NLGN1: variants seen among roughly 807,000 people sequenced by gnomAD.
NLGN1 encodes neuroligin-1.
A neutral mutation model predicts 65.5 loss-of-function variants in NLGN1; 12 were observed. That is an observed-to-expected ratio of 0.18 (90% confidence interval 0.12 to 0.30). The LOEUF is 0.30. NLGN1 is among the 10% of genes least tolerant of loss of function. NLGN1 has a pLI of 1.00. For missense variants in NLGN1, 750 were observed against 1,007.1 expected, an observed-to-expected ratio of 0.74 and a Z score of 3.46; for synonymous variants, 350 against 359.5, an observed-to-expected ratio of 0.97 and a Z score of 0.30.
chr3:173,972,881 C>A lies in NLGN1; in HGVS notation c.646+165049C>A, dbSNP rs577754189. Among the ~76,000 whole-genome samples, 5 of 152,208 alleles carry A rather than the reference C, an allele frequency of 3.3e-5. No individual in the cohort carries two copies. In the East Asian group the frequency reaches 9.7e-4, roughly 30 times the overall value. On this transcript the variant is annotated intron_variant, in intron 4 of 6. Coordinates refer to ENST00000457714, the Ensembl canonical transcript of NLGN1. The stretch of plus-strand genomic sequence containing the variant: ...AACCAGACTTCCTGAATCAGAAACT[C>A]TAGGGGTGGAGCCCAACAATCTGTA...
chr3:174,128,959 C>T (rs183608432), intron 4 of NLGN1, among the ~76,000 whole-genome samples: 1 of 152,214 alleles, frequency 6.6e-6, no homozygotes, highest in Admixed American at 6.5e-5. Context: ...CATCAGAATG[C>T]ATCCTTGTCC....
At chr3:174,185,479 A>G (rs1482605928) in intron 4 of NLGN1, among the ~76,000 whole-genome samples, 3 of 152,148 alleles carry the variant, frequency 2.0e-5, no homozygotes, top group Non-Finnish European at 4.4e-5. Flanking sequence ...AAATAACAGC[A>G]TCTGGCTAGT....
chr3:174,082,018 G>A (rs1742341349), intron 4 of NLGN1, among the ~76,000 whole-genome samples: 1 of 152,150 alleles, frequency 6.6e-6, no homozygotes, highest in African/African-American at 2.4e-5. Flanking sequence ...GAGCCATTTA[G>A]GCTGTAAGAT....
chr3:173,967,095 A>G (rs1715052384), intron 4 of NLGN1, among the ~76,000 whole-genome samples: 1 of 152,210 alleles, frequency 6.6e-6, no homozygotes, highest in African/African-American at 2.4e-5. Context: ...AGTCAAGCTC[A>G]CTGAAATTCA....
intron 1 of NLGN1, among the ~76,000 whole-genome samples, chr3:173,426,409 CA>C (rs1261596424): frequency 6.6e-6 from 1 of 151,970 alleles, no homozygotes; most frequent in Non-Finnish European, 1.5e-5. Context: ...TTTCGTTTTC[CA>C]AATTTGACAA....
intron 4 of NLGN1, among the ~76,000 whole-genome samples, chr3:174,224,555 T>C (rs918315911): frequency 5.6e-4 from 86 of 152,216 alleles, no homozygotes; most frequent in African/African-American, 2.0e-3. Flanking sequence ...AAAAATTAGC[T>C]GGGCATAGTG....
chr3:173,876,009 C>T (rs191826419), intron 4 of NLGN1, among the ~76,000 whole-genome samples: 1 of 152,006 alleles, frequency 6.6e-6, no homozygotes, highest in East Asian at 1.9e-4. Context: ...AAAAAAAAAT[C>T]CCTGAGAAAA....
intron 2 of NLGN1, among the ~76,000 whole-genome samples, chr3:173,600,155 A>T (rs2149431712): frequency 6.6e-6 from 1 of 151,220 alleles, no homozygotes; most frequent in South Asian, 2.1e-4. Context: ...AGATTTGTAT[A>T]TCTATGTATG....
chr3:174,256,988 A>T (rs1296098440), intron 4 of NLGN1, among the ~76,000 whole-genome samples: 1 of 152,236 alleles, frequency 6.6e-6, no homozygotes, highest in East Asian at 1.9e-4. Context: ...ATCAAATGGA[A>T]GAAAATGTTT....
At chr3:174,130,930 C>T (rs1297272341) in intron 4 of NLGN1, among the ~76,000 whole-genome samples, 1 of 152,102 alleles carries the variant, frequency 6.6e-6, no homozygotes, top group Non-Finnish European at 1.5e-5. Context: ...GCCAAATACT[C>T]ACAGTGACAA....
chr3:173,477,634 T>C (rs1327350204), intron 2 of NLGN1, among the ~76,000 whole-genome samples: 1 of 152,032 alleles, frequency 6.6e-6, no homozygotes, highest in Non-Finnish European at 1.5e-5. Context: ...CCTGAAGGGA[T>C]CTGAAACTGA....
chr3:173,973,627 A>G (rs1333950358), intron 4 of NLGN1, among the ~76,000 whole-genome samples: 2 of 152,094 alleles, frequency 1.3e-5, no homozygotes, highest in Admixed American at 6.6e-5. Context: ...GTAGCCTGGT[A>G]AAAGACAAAT....
At chr3:173,730,592 A>T (rs969308159) in intron 3 of NLGN1, among the ~76,000 whole-genome samples, 3 of 152,070 alleles carry the variant, frequency 2.0e-5, no homozygotes, top group Non-Finnish European at 2.9e-5. Flanking sequence ...TGCTTCAAGT[A>T]GCTAGTGGTC....
chr3:173,758,187 T>C (rs77541826), intron 3 of NLGN1, among the ~76,000 whole-genome samples: 20,880 of 152,014 alleles, frequency 0.14, 1,668 homozygotes, highest in East Asian at 0.22. Context: ...AGAAGATGCC[T>C]GTCTGCAAGG....
chr3:174,020,314 T>A (rs1727495956), intron 4 of NLGN1, among the ~76,000 whole-genome samples: 2 of 152,138 alleles, frequency 1.3e-5, no homozygotes, highest in South Asian at 2.1e-4. Flanking sequence ...AGGCTGAGAC[T>A]TGAGCAATAA....
intron 4 of NLGN1, among the ~76,000 whole-genome samples, chr3:173,843,831 A>G (rs1725254131): frequency 6.6e-6 from 1 of 152,168 alleles, no homozygotes; most frequent in Non-Finnish European, 1.5e-5. Flanking sequence ...ACCCAATTCC[A>G]AAGTCACTTC....
chr3:173,653,624 A>G (rs1577757148), intron 3 of NLGN1, among the ~76,000 whole-genome samples: 2 of 152,296 alleles, frequency 1.3e-5, no homozygotes, highest in South Asian at 4.1e-4. Context: ...TTCAATTTAT[A>G]TATTGATATA....
intron 4 of NLGN1, among the ~76,000 whole-genome samples, chr3:174,073,539 G>A (rs544309865): frequency 1.7e-3 from 252 of 152,218 alleles, no homozygotes; most frequent in Non-Finnish European, 3.1e-3. Context: ...TGAAGACACT[G>A]GTTCTCTGAG....
intron 3 of NLGN1, among the ~76,000 whole-genome samples, chr3:173,633,762 TA>T (rs1298153339): frequency 6.6e-6 from 1 of 152,034 alleles, no homozygotes; most frequent in Non-Finnish European, 1.5e-5. Flanking sequence ...CTAAGACCAG[TA>T]AAAAAACAAA....
Sources: allele counts gnomAD v4.1 joint callset (sites outside exome capture counted in the v4.1 genomes callset), GRCh38; gene constraint gnomAD v4.1.1; transcripts MANE v1.5; gene names NCBI Gene and HGNC (gene_info 2026-07-23, HGNC 2026-07-21).